Variants in TACC1 observed in about 807,000 individuals in gnomAD.
The protein encoded by TACC1 is transforming acidic coiled-coil-containing protein 1.
TACC1 carries 48 observed loss-of-function variants against 84.4 expected under a neutral mutation model. That is an observed-to-expected ratio of 0.57 (90% CI 0.45 to 0.72). The LOEUF (loss-of-function observed/expected upper bound fraction) is 0.72, where lower values mean the gene tolerates loss of function less well. Among genes scored for constraint, TACC1 ranks in the 30% least tolerant of loss-of-function variants. The pLI is 0.00. For synonymous variants in TACC1, 372 were observed against 376.3 expected (o/e 0.99, Z 0.13); for missense variants, 920 against 973.0 (o/e 0.95, Z 0.72).
chr8:38,760,557 AG>A (rs1811014397), intron 3 of TACC1, among the ~76,000 whole-genome samples: 1 of 151,772 alleles, frequency 6.6e-6, no homozygotes, highest in Non-Finnish European at 1.5e-5. Context: ...TTTGAGATGG[AG>A]TCTCACTCTG....
chr8:38,819,923 A>G lies in TACC1; in HGVS notation c.679A>G (p.Arg227Gly). 1 of 1,614,158 alleles carries G rather than the reference A, an allele frequency of 6.2e-7. No individual in the cohort carries two copies. Among genetic ancestry groups the G allele is most frequent in the South Asian group, 1.1e-5 (1 of 91,086 alleles). The stretch of plus-strand genomic sequence containing the variant: ...CTGTCCAGAGCTTGTGCCCAGCAGA[A>G]GAAGCAAGCTGAGAAAGCCCAAGCC... The part of the protein sequence containing the change: ...NSCPELVPSR[R>G]SKLRKPKPVP... The change falls in exon 3 of 13, where the codon AGA (arginine) becomes GGA (glycine). Residue 227 changes from arginine to glycine, a missense_variant. Arg to Gly is a moderately radical substitution (Grantham distance 125, BLOSUM62 -2). Around this residue, in one of 2 missense-constraint regions of TACC1, gnomAD observed 762 missense variants for 747.3 expected, o/e 1.02. Transcript: ENST00000317827.
rs1240735972 is a variant in TACC1, at chr8:38,851,778, T to G, written c.*3755T>G. On this transcript the variant is annotated 3_prime_UTR_variant, in exon 13 of 13. Transcript: ENST00000317827. ...GAGGGATTTTAAAGTAAAGATGTAT[T>G]TATTCTGAAGAATCTAAAAGATAAC... 1 of 352,914 alleles carries G rather than the reference T, an allele frequency of 2.8e-6. No individual in the cohort carries two copies. Among genetic ancestry groups the G allele is most frequent in the African/African-American group, 2.1e-5 (1 of 46,814 alleles). The allele number at this position is 352,914 out of a possible 1,614,324, so 21.9% of individuals were successfully genotyped here.
intron 12 of TACC1, among the ~76,000 whole-genome samples, 162 bp from the exon 13 acceptor site, chr8:38,847,793 G>C (rs1832597712): frequency 6.6e-6 from 1 of 152,234 alleles, no homozygotes. Flanking sequence ...TTTGAGGTGT[G>C]TAGCCTTTTT....
intron 8 of TACC1, chr8:38,839,416 AAC>A (rs1302013988): frequency 2.6e-6 from 1 of 390,384 alleles, no homozygotes; most frequent in Non-Finnish European, 4.5e-6. Context: ...CAGTGTGGTC[AAC>A]ACTTGAATGA....
intron 3 of TACC1, among the ~76,000 whole-genome samples, chr8:38,746,591 A>G (rs1808130018): frequency 6.6e-6 from 1 of 152,118 alleles, no homozygotes; most frequent in Non-Finnish European, 1.5e-5. Flanking sequence ...CCACTCTGTT[A>G]CTCATTTTGA....
At position 38,742,912 on chromosome 8, in the gene TACC1, A is replaced by T. The variant is rs148439095; in HGVS notation, c.-574+461A>T. ...GTATTTTTACTAGAGACAGGGTCTC[A>T]CCATGTTGGCCAGGCCGGTCTCGAA... On this transcript the variant is annotated intron_variant, in intron 2 of 14. Transcript: ENST00000518415. Among the ~76,000 whole-genome samples the T allele has an allele frequency of 7.6e-4, 115 of 152,262 alleles. 1 individual carries two copies. Among genetic ancestry groups the T allele is most frequent in the African/African-American group, 2.5e-3 (102 of 41,552 alleles).
intron 1 of TACC1, among the ~76,000 whole-genome samples, chr8:38,737,990 G>A (rs1286167919): frequency 6.6e-6 from 1 of 152,064 alleles, no homozygotes; most frequent in African/African-American, 2.4e-5. Context: ...GCCTCCCAAA[G>A]TGCTGGGATT....
intron 3 of TACC1, chr8:38,824,093 C>A: frequency 1.7e-6 from 2 of 1,172,228 alleles, no homozygotes; most frequent in Non-Finnish European, 2.3e-6. Context: ...CTCCCCCAGC[C>A]ATCTCTCCAT....
chr8:38,760,425 C>G (rs115569831), intron 3 of TACC1, among the ~76,000 whole-genome samples: 4,626 of 152,218 alleles, frequency 0.03, 238 homozygotes, highest in African/African-American at 0.11. Flanking sequence ...GGTTGTAATC[C>G]CAGCTAGATC....
intron 8 of TACC1, chr8:38,839,657 C>G (rs1240821707): frequency 4.4e-6 from 1 of 227,108 alleles, no homozygotes; most frequent in African/African-American, 2.2e-5. Context: ...CACAGAGCAC[C>G]CAGCACCGGA....
At chr8:38,742,535 T>A (rs988262693) in intron 2 of TACC1, 1 of 970,042 alleles carries the variant, frequency 1.0e-6, no homozygotes, top group African/African-American at 1.6e-5. Flanking sequence ...ATAACAGATA[T>A]GTAATCTTTG....
At chr8:38,815,067 T>A (rs1825109293) in intron 2 of TACC1, among the ~76,000 whole-genome samples, 1 of 152,226 alleles carries the variant, frequency 6.6e-6, no homozygotes, top group African/African-American at 2.4e-5. Flanking sequence ...CTCCGGACCA[T>A]TTCTTGCTTG....
At chr8:38,818,299 G>T (rs112898031) in intron 2 of TACC1, among the ~76,000 whole-genome samples, 3 of 152,282 alleles carry the variant, frequency 2.0e-5, no homozygotes, top group African/African-American at 7.2e-5. Flanking sequence ...CCTGGATTAG[G>T]ATTAGGAAGT....
At chr8:38,837,048 T>A (rs1830366770) in intron 7 of TACC1, among the ~76,000 whole-genome samples, 1 of 151,866 alleles carries the variant, frequency 6.6e-6, no homozygotes, top group Admixed American at 6.6e-5. Context: ...TAATGAGGGA[T>A]GTCAGCTAGT....
At chr8:38,765,155 CTTTG>C (rs1811997513) in intron 3 of TACC1, among the ~76,000 whole-genome samples, 1 of 150,652 alleles carries the variant, frequency 6.6e-6, no homozygotes, top group Non-Finnish European at 1.5e-5. Context: ...CTCTTGATGG[CTTTG>C]TTTCTTTTTT....
chr8:38,807,141 G>A (rs761569023), intron 2 of TACC1, among the ~76,000 whole-genome samples: 2 of 152,138 alleles, frequency 1.3e-5, no homozygotes, highest in Admixed American at 6.5e-5. Flanking sequence ...ACATCTAAGC[G>A]TTTGCCAGCC....
intron 3 of TACC1, among the ~76,000 whole-genome samples, chr8:38,768,713 A>G (rs1812783460): frequency 6.6e-6 from 1 of 150,554 alleles, no homozygotes; most frequent in African/African-American, 2.5e-5. Context: ...TATATGTGCA[A>G]TGTGTGTGTG....
At chr8:38,790,835 A>T (rs913290078) in intron 2 of TACC1, among the ~76,000 whole-genome samples, 1 of 152,196 alleles carries the variant, frequency 6.6e-6, no homozygotes, top group Non-Finnish European at 1.5e-5. Flanking sequence ...GCATTTTGCC[A>T]TTGTTCTAGG....
At chr8:38,807,893 A>G (rs925396821) in intron 2 of TACC1, among the ~76,000 whole-genome samples, 1 of 152,240 alleles carries the variant, frequency 6.6e-6, no homozygotes, top group Non-Finnish European at 1.5e-5. Context: ...TTTACTGCAA[A>G]TAGTCTTTAT....
Sources: gnomAD v4.1 joint callset for allele counts (sites outside exome capture counted in the v4.1 genomes callset) on GRCh38, gnomAD v4.1.1 for gene constraint, gnomAD v4.1.1 regional missense constraint, MANE v1.5 for transcripts, NCBI Gene and HGNC (gene_info 2026-07-23, HGNC 2026-07-21) for gene names.